Variants in BROX observed in about 807,000 individuals in gnomAD.
BROX encodes BRO1 domain and CAAX motif containing, also known as BRO1 domain-containing protein BROX.
In BROX, 53 loss-of-function variants were observed where a neutral mutation model predicts 61.0. The ratio of observed to expected loss-of-function variants is 0.87; its 90% CI spans 0.70 to 1.09. The LOEUF (loss-of-function observed/expected upper bound fraction) is 1.09, where lower values mean the gene tolerates loss of function less well. Ranked by LOEUF, BROX falls within the 50% of genes least tolerant of loss-of-function variation. The probability of loss-of-function intolerance (pLI) is 0.00; values close to 1 mark genes in which losing one functional copy is unlikely to be tolerated. For synonymous variants in BROX, 152 were observed against 160.2 expected (o/e 0.95, Z 0.38); for missense variants, 489 against 472.0 (o/e 1.04, Z -0.33).
intron 9 of BROX, 24 bp from the exon 10 acceptor site, chr1:222,729,596 T>C: frequency 1.3e-6 from 2 of 1,587,152 alleles, no homozygotes; most frequent in South Asian, 1.1e-5. Flanking sequence ...AGAGAATGAA[T>C]AAAAAATTTG....
At position 222,730,284 on chromosome 1, in the gene BROX, A is replaced by G. The variant is rs1270055253; in HGVS notation, c.989+107A>G. Reference sequence around the variant, plus strand: ...CATTTCTGTTAGTCTCTATTCCCAAAAGTTTTATGTTGAATAGCACTCACT... The same window carrying G: ...CATTTCTGTTAGTCTCTATTCCCAAGAGTTTTATGTTGAATAGCACTCACT... On this transcript the variant is annotated intron_variant, in intron 11 of 12. Transcript: ENST00000340934. The G allele has an allele frequency of 8.6e-6, 7 of 817,044 alleles. No individual in the cohort carries two copies. The African/African-American group carries it at 1.3e-4, about 15-fold the overall frequency. The allele number at this position is 817,044 out of a possible 1,614,324, so 50.6% of individuals were successfully genotyped here.
At chr1:222,713,162 G>T in intron 1 of BROX, 7 of 978,824 alleles carry the variant, frequency 7.2e-6, no homozygotes, top group Non-Finnish European at 7.3e-6. Context: ...GAATCCCCTT[G>T]CCCCGCATCT....
intron 1 of BROX, chr1:222,715,031 A>G (rs763334775): frequency 3.3e-5 from 5 of 152,274 alleles, no homozygotes; most frequent in Admixed American, 1.3e-4. Flanking sequence ...TGTCGGAAAT[A>G]CAGCAGTTAA....
chr1:222,729,992 A>G (rs773563085), intron 10 of BROX, 35 bp from the exon 11 acceptor site: 2 of 1,576,074 alleles, frequency 1.3e-6, no homozygotes, highest in African/African-American at 1.4e-5. Flanking sequence ...AGTGTTAATT[A>G]TAATCAAAAG....
At position 222,715,737 on chromosome 1, in the gene BROX, C is replaced by T; in HGVS notation, c.38C>T (p.Thr13Ile). The T allele has an allele frequency of 1.3e-6, 2 of 1,590,428 alleles. No individual in the cohort carries two copies. Among genetic ancestry groups the T allele is most frequent in the Non-Finnish European group, 8.6e-7 (1 of 1,166,960 alleles). The change falls in exon 2 of 13, where the codon ACA becomes ATA. Residue 13 changes from threonine to isoleucine, a missense_variant. Transcript: ENST00000340934. ...HWFHRNPLKA[T>I]APVSFNYYGV... is the part of the protein sequence containing the mutation. The stretch of plus-strand genomic sequence containing the variant: ...TTTCATAGGAACCCATTAAAAGCCA[C>T]AGCTCCTGTGTCTTTTAATTACTAT...
chr1:222,720,821 A>T (rs964825785), intron 4 of BROX, among the ~76,000 whole-genome samples: 1 of 152,180 alleles, frequency 6.6e-6, no homozygotes, highest in Non-Finnish European at 1.5e-5. Flanking sequence ...TCAAAAAAAT[A>T]AAAAAATTTA....
intron 10 of BROX, 114 bp from the exon 11 acceptor site, chr1:222,729,913 A>G (rs749777115): frequency 6.6e-6 from 7 of 1,059,940 alleles, no homozygotes; most frequent in South Asian, 1.6e-5. Flanking sequence ...TGGTATTGCT[A>G]TTATATTAGG....
chr1:222,718,553 C>A (rs574961632), intron 2 of BROX, among the ~76,000 whole-genome samples: 139 of 152,038 alleles, frequency 9.1e-4, no homozygotes, highest in African/African-American at 3.0e-3. Flanking sequence ...GTTTTTTATT[C>A]TTCTTTCCCC....
chr1:222,734,286 AC>A lies in BROX; in HGVS notation c.*1573del, dbSNP rs1246325564. ...GTGCCAGATACTGTGCTGGACACTT[AC>A]ATAGATAAGCCATTGAATCCACACA... On this transcript the variant is annotated 3_prime_UTR_variant, in exon 13 of 13. Coordinates refer to ENST00000340934, the MANE Select transcript of BROX (RefSeq NM_144695.4). The A allele has an allele frequency of 6.6e-6, 1 of 152,230 alleles. No homozygotes were observed. The highest frequency in any genetic ancestry group is 2.4e-5 in the African/African-American group (1 of 41,468). The allele number at this position is 152,230 out of a possible 1,614,324, so 9.4% of individuals were successfully genotyped here. A position where few individuals can be genotyped will look rare whatever the true frequency, so the allele number is the denominator to read the frequency against.
chr1:222,723,527 A>C (rs1211499925), intron 5 of BROX, among the ~76,000 whole-genome samples: 1 of 152,076 alleles, frequency 6.6e-6, no homozygotes, highest in African/African-American at 2.4e-5. Flanking sequence ...TTGCCATCTT[A>C]ATGTTACCTT....
Position 222,722,429 on chromosome 1 carries a change from G to A in BROX, c.316G>A (p.Asp106Asn). 2 of 1,612,236 alleles carry A rather than the reference G, an allele frequency of 1.2e-6. No individual in the cohort carries two copies. Among genetic ancestry groups the A allele is most frequent in the Non-Finnish European group, 1.7e-6 (2 of 1,178,506 alleles). ...TGTTTATAATTCCAGTGCCCAGCAG[G>A]ATGCTGTTTTTGAATTAATTTCCAT... ...LQGQVPSAQQ[D>N]AVFELISMGF... The change falls in exon 5 of 13, where the codon GAT becomes AAT. Residue 106 changes from aspartate to asparagine, a missense_variant. By Grantham distance (23) the Asp-to-Asn change is conservative. Coordinates refer to ENST00000340934, the MANE Select transcript of BROX (RefSeq NM_144695.4).
chr1:222,720,175 G>A (rs1656962294), intron 4 of BROX, among the ~76,000 whole-genome samples: 1 of 152,178 alleles, frequency 6.6e-6, no homozygotes, highest in African/African-American at 2.4e-5. Flanking sequence ...TGGGGCTACA[G>A]ATAGAGTACT....
At chr1:222,725,130 T>A (rs1333153337) in intron 6 of BROX, among the ~76,000 whole-genome samples, 1 of 152,158 alleles carries the variant, frequency 6.6e-6, no homozygotes, top group Non-Finnish European at 1.5e-5. Context: ...ATGAACAGGC[T>A]ATCCCGCAAA....
chr1:222,719,034 T>G lies in BROX; in HGVS notation c.208+3T>G. The G allele has an allele frequency of 6.2e-7, 1 of 1,601,192 alleles. No individual in the cohort carries two copies. Among genetic ancestry groups the G allele is most frequent in the African/African-American group, 1.3e-5 (1 of 74,324 alleles). Reference sequence around the variant, plus strand: ...TTCATATTTCTCACTTTTACAAGGTTAGTTATTTATATGAACTTGAGGTTT... The same window carrying G: ...TTCATATTTCTCACTTTTACAAGGTGAGTTATTTATATGAACTTGAGGTTT... On this transcript the variant is annotated splice_donor_region_variant and intron_variant, in intron 3 of 12. Coordinates refer to ENST00000340934, the MANE Select transcript of BROX (RefSeq NM_144695.4).
intron 11 of BROX, 40 bp from the exon 12 acceptor site, chr1:222,731,317 G>A (rs778215031): frequency 2.0e-5 from 30 of 1,514,604 alleles, no homozygotes; most frequent in Admixed American, 7.3e-5. Context: ...CTCAAATAAC[G>A]AACAAATGAA....
At chr1:222,725,814 A>T (rs1187656529) in intron 7 of BROX, among the ~76,000 whole-genome samples, 1 of 152,098 alleles carries the variant, frequency 6.6e-6, no homozygotes, top group Non-Finnish European at 1.5e-5. Context: ...CAAGGCTGAG[A>T]TGGGAAGGAT....
chr1:222,715,920 A>T, intron 2 of BROX, 120 bp downstream of exon 2: 1 of 597,016 alleles, frequency 1.7e-6, no homozygotes, highest in Non-Finnish European at 2.9e-6. Context: ...GACATTTAAG[A>T]GTTAAATCAT....
chr1:222,731,054 G>T (rs1401092165), intron 11 of BROX, among the ~76,000 whole-genome samples: 1 of 152,018 alleles, frequency 6.6e-6, no homozygotes, highest in Non-Finnish European at 1.5e-5. Context: ...GTCATAATGA[G>T]CTTTTCACTT....
chr1:222,727,317 T>C, intron 8 of BROX, 60 bp downstream of exon 8: 1 of 1,253,846 alleles, frequency 8.0e-7, no homozygotes, highest in Non-Finnish European at 1.2e-6. Flanking sequence ...TTATTTGATC[T>C]TGAATAGGGA....
Sources: allele counts gnomAD v4.1 joint callset (sites outside exome capture counted in the v4.1 genomes callset), GRCh38; gene constraint gnomAD v4.1.1; transcripts MANE v1.5; gene names NCBI Gene and HGNC (gene_info 2026-07-23, HGNC 2026-07-21).